Variants in VASP observed in about 807,000 individuals in gnomAD.
The protein encoded by VASP is vasodilator-stimulated phosphoprotein.
A neutral mutation model predicts 54.4 loss-of-function variants in VASP; 27 were observed. The ratio of observed to expected loss-of-function variants is 0.50; its 90% CI spans 0.37 to 0.68. The LOEUF is 0.68. Among genes scored for constraint, VASP ranks in the 30% least tolerant of loss-of-function variants. VASP has a pLI of 0.00. For synonymous variants in VASP, 233 were observed against 209.8 expected (o/e 1.11, Z -0.96); for missense variants, 488 against 528.3 (o/e 0.92, Z 0.75).
In VASP at chr19:45,513,225, TAA is replaced by T. The variant is rs199841151; in HGVS notation, c.6-4435_6-4434del. Among the ~76,000 whole-genome samples, 671 of 152,032 alleles carry T rather than the reference TAA, an allele frequency of 4.4e-3. 5 individuals are homozygous for T. Among genetic ancestry groups the T allele is most frequent in the African/African-American group, 0.016 (644 of 41,450 alleles). ...ACTGAGAAATGTTAGGTGTCCTAGG[TAA>T]AAGTTTGCCTTTTTTTGTGAGGGAG... On this transcript the variant is annotated intron_variant, in intron 1 of 12. Transcript: ENST00000245932.
rs1968920501 is a variant in VASP at position 45,524,651 on chromosome 19, G to A, written c.1038G>A (p.Arg346=). ...CCAGTGATTACTCGGACCTACAGAGGGTGAAACAGGTAACTTGGGGGGGAA... is the reference window on the plus strand; with the variant it reads ...CCAGTGATTACTCGGACCTACAGAGAGTGAAACAGGTAACTTGGGGGGGAA... ...PSSSDYSDLQ[R]VKQELLEEVK... The change falls in exon 11 of 13, where the codon AGG becomes AGA. Residue 346 remains arginine (R), a synonymous_variant. Coordinates refer to ENST00000245932, the MANE Select transcript of VASP (RefSeq NM_003370.4). 1.2e-6 allele frequency: 2 copies of A among 1,613,646 alleles called. No homozygotes were observed. Among genetic ancestry groups the A allele is most frequent in the Non-Finnish European group, 1.7e-6 (2 of 1,179,876 alleles).
intron 1 of VASP, among the ~76,000 whole-genome samples, chr19:45,510,107 TTTC>T (rs1968571254): frequency 6.6e-6 from 1 of 152,162 alleles, no homozygotes; most frequent in Admixed American, 6.6e-5. Flanking sequence ...GGTCCATTTC[TTTC>T]TTCTTCCAAT....
rs767951221 is a variant in VASP at position 45,522,237 on chromosome 19, G to A, written c.478+20G>A. On this transcript the variant is annotated intron_variant, in intron 5 of 12. Transcript: ENST00000245932. ...ATGCAGGTGATGCTCAGATAGCTTC[G>A]GGAGTTGGGAGGGGGCCTCCCTGGA... The A allele has an allele frequency of 2.1e-5, 34 of 1,614,194 alleles. No individual in the cohort carries two copies. The highest frequency in any genetic ancestry group is 3.3e-4 in the Middle Eastern group (2 of 6,060).
rs565737093 is a variant in VASP, at chr19:45,522,407, C to T, written c.546C>T (p.Pro182=). The change falls in exon 6 of 13, where the codon CCC becomes CCT. Residue 182 remains proline (P), a synonymous_variant. Transcript: ENST00000245932. ...PPPGPPPPPG[P]PPPPGLPPSG... ...CAGGACCTCCCCCTCCTCCAGGTCCCCCCCCACCCCCAGGTTTGCCCCCTT... is the reference window on the plus strand; with the variant it reads ...CAGGACCTCCCCCTCCTCCAGGTCCTCCCCCACCCCCAGGTTTGCCCCCTT... The T allele has an allele frequency of 5.9e-6, 9 of 1,530,638 alleles. No individual in the cohort carries two copies. The highest frequency in any genetic ancestry group is 4.0e-5 in the Admixed American group (2 of 50,216). The allele number at this position is 1,530,638 out of a possible 1,614,324, so 94.8% of individuals were successfully genotyped here. A position where few individuals can be genotyped will look rare whatever the true frequency, so the allele number is the denominator to read the frequency against.
At chr19:45,508,541 A>G (rs8112973) in intron 1 of VASP, among the ~76,000 whole-genome samples, 149,981 of 152,262 alleles carry the variant, frequency 0.99, 73,876 homozygotes, top group East Asian at 1. Context: ...GCGGCCCTGG[A>G]GAGGGAGGGG....
At position 45,515,753 on chromosome 19, in the gene VASP, G is replaced by A. The variant is rs918707731; in HGVS notation, c.6-1910G>A. Among the ~76,000 whole-genome samples the A allele has an allele frequency of 3.9e-5, 6 of 152,080 alleles. No homozygotes were observed. The South Asian group carries it at 6.2e-4, about 16-fold the overall frequency. ...GGATTTCACCATGTTGCCCAGGCTGGTCTCGAACACCTGAGCTCAAGCGAT... is the reference window on the plus strand; with the variant it reads ...GGATTTCACCATGTTGCCCAGGCTGATCTCGAACACCTGAGCTCAAGCGAT... On this transcript the variant is annotated intron_variant, in intron 1 of 12. Transcript: ENST00000245932.
intron 11 of VASP, 39 bp from the exon 12 acceptor site, chr19:45,525,907 G>C: frequency 6.3e-7 from 1 of 1,586,528 alleles, no homozygotes; most frequent in Non-Finnish European, 8.6e-7. Context: ...TGCAAGTCCC[G>C]GTACCCCCTC....
In VASP at chr19:45,526,302, A is replaced by C; in HGVS notation, c.*125A>C. The C allele has an allele frequency of 5.0e-6, 6 of 1,193,854 alleles. No homozygotes were observed. The highest frequency in any genetic ancestry group is 6.8e-6 in the Non-Finnish European group (6 of 882,682). 74.0% of individuals were successfully genotyped at this position (1,193,854 alleles called of 1,614,324 possible). ...CAGGAATGCATCGTTCCCACTCCCCATCCCACTTGGAAAACTCCAAGGGGG... is the reference window on the plus strand; with the variant it reads ...CAGGAATGCATCGTTCCCACTCCCCCTCCCACTTGGAAAACTCCAAGGGGG... On this transcript the variant is annotated 3_prime_UTR_variant, in exon 13 of 13. Coordinates refer to ENST00000245932, the MANE Select transcript of VASP (RefSeq NM_003370.4).
In VASP at chr19:45,526,212, G is replaced by A. The variant is rs753219936; in HGVS notation, c.*35G>A. ...CCCAGAAGACCCGCTTCTCCTTTCC[G>A]CACACCCGGCCTGTCACCCTGCTTT... On this transcript the variant is annotated 3_prime_UTR_variant, in exon 13 of 13. Transcript: ENST00000245932. 11 of 1,589,958 alleles carry A rather than the reference G, an allele frequency of 6.9e-6. No homozygotes were observed. The highest frequency in any genetic ancestry group is 2.1e-4 in the Middle Eastern group (1 of 4,702).
Position 45,521,550 on chromosome 19 carries a change from C to T in VASP, c.428+144C>T, listed in dbSNP as rs1236137719. On this transcript the variant is annotated intron_variant, in intron 4 of 12. Coordinates refer to ENST00000245932, the MANE Select transcript of VASP (RefSeq NM_003370.4). Reference sequence around the variant, plus strand: ...ACTTCTGACACTCAGAGTTGCAGAACCTCCTGGTCCCTGCAGATTCCTGGA... The same window carrying T: ...ACTTCTGACACTCAGAGTTGCAGAATCTCCTGGTCCCTGCAGATTCCTGGA... The T allele has an allele frequency of 8.5e-6, 6 of 706,754 alleles. No individual in the cohort carries two copies. In the East Asian group the frequency reaches 1.2e-4, roughly 14 times the overall value. 43.8% of individuals were successfully genotyped at this position (706,754 alleles called of 1,614,324 possible). A position where few individuals can be genotyped will look rare whatever the true frequency, so the allele number is the denominator to read the frequency against.
In VASP at chr19:45,518,306, G is replaced by A. The variant is rs960373969; in HGVS notation, c.343+212G>A. 2.0e-5 allele frequency among the ~76,000 whole-genome samples: 3 copies of A among 152,196 alleles called. No homozygotes were observed. In the South Asian group the frequency reaches 6.2e-4, roughly 32 times the overall value. ...CCATTGGCCCGGCGCCGTGGCTCATGCCTGTAATCTCAGCACTTTGGGAGG... is the reference window on the plus strand; with the variant it reads ...CCATTGGCCCGGCGCCGTGGCTCATACCTGTAATCTCAGCACTTTGGGAGG... On this transcript the variant is annotated intron_variant, in intron 3 of 12. Coordinates refer to ENST00000245932, the MANE Select transcript of VASP (RefSeq NM_003370.4).
intron 11 of VASP, 58 bp from the exon 12 acceptor site, chr19:45,525,888 A>G: frequency 6.6e-7 from 1 of 1,525,364 alleles, no homozygotes; most frequent in South Asian, 1.2e-5. Flanking sequence ...AAGAAGGGGG[A>G]TTCATTCCTG....
chr19:45,523,596 G>T, intron 7 of VASP, 48 bp from the exon 8 acceptor site: 1 of 1,608,402 alleles, frequency 6.2e-7, no homozygotes, highest in Admixed American at 1.7e-5. Flanking sequence ...CTCAGAAGGG[G>T]ATGGGTTGGG....
At chr19:45,508,657 C>G (rs1449215362) in intron 1 of VASP, among the ~76,000 whole-genome samples, 1 of 152,092 alleles carries the variant, frequency 6.6e-6, no homozygotes, top group Non-Finnish European at 1.5e-5. Flanking sequence ...CCTTCCCCAC[C>G]ACGGCCCCTC....
chr19:45,515,629 T>C (rs1968686854), intron 1 of VASP, among the ~76,000 whole-genome samples: 1 of 152,120 alleles, frequency 6.6e-6, no homozygotes, highest in Non-Finnish European at 1.5e-5. Context: ...CTCCACCTCC[T>C]GGGTTCAAGC....
At chr19:45,513,675 C>T (rs957198074) in intron 1 of VASP, among the ~76,000 whole-genome samples, 2 of 151,796 alleles carry the variant, frequency 1.3e-5, no homozygotes, top group Non-Finnish European at 2.9e-5. Context: ...ACCATGTTGG[C>T]CAGGCTGGTG....
rs150357799 is a variant in VASP, at chr19:45,523,494, G to T, written c.822-150G>T. The T allele has an allele frequency of 6.7e-4, 608 of 902,428 alleles. 2 individuals are homozygous for T. The highest frequency in any genetic ancestry group is 6.7e-3 in the African/African-American group (398 of 59,284). 55.9% of individuals were successfully genotyped at this position (902,428 alleles called of 1,614,324 possible). A position where few individuals can be genotyped will look rare whatever the true frequency, so the allele number is the denominator to read the frequency against. ...TTGGCATTACAGGCCACTGCGCCCA[G>T]CACAATCTCTTGAATTTCTAAAACT... On this transcript the variant is annotated intron_variant, in intron 7 of 12. Transcript: ENST00000245932.
In VASP at chr19:45,522,756, T is replaced by C. The variant is rs1379817403; in HGVS notation, c.759T>C (p.Ala253=). ...EASGGPTAPK[A]ESGRSGGGGL... The stretch of plus-strand genomic sequence containing the variant: ...CAGGGGGGCCCACAGCCCCCAAAGC[T>C]GAGAGTGGTCGAAGCGGAGGTGGGG... Residue 253 remains alanine, a synonymous_variant, in exon 7 of 13, where the codon GCT becomes GCC. Transcript: ENST00000245932. The C allele has an allele frequency of 1.2e-6, 2 of 1,602,694 alleles. No individual in the cohort carries two copies.
Position 45,519,846 on chromosome 19 carries a change from C to T in VASP, c.344-1476C>T, listed in dbSNP as rs531974473. 2.1e-4 allele frequency among the ~76,000 whole-genome samples: 32 copies of T among 149,152 alleles called. No homozygotes were observed. In the South Asian group the frequency reaches 3.6e-3, roughly 17 times the overall value. On this transcript the variant is annotated intron_variant, in intron 3 of 12. Coordinates refer to ENST00000245932, the MANE Select transcript of VASP (RefSeq NM_003370.4). The stretch of plus-strand genomic sequence containing the variant: ...TCCTGACCTCGTGATCCGCCCGCCT[C>T]GGCCTCCGAAAGTGCTGGGATTACA...
Sources: allele counts gnomAD v4.1 joint callset (sites outside exome capture counted in the v4.1 genomes callset), GRCh38; gene constraint gnomAD v4.1.1; transcripts MANE v1.5; gene names NCBI Gene and HGNC (gene_info 2026-07-23, HGNC 2026-07-21).